Variants in CELF4 observed in about 807,000 individuals in gnomAD.
The protein encoded by CELF4 is CUGBP Elav-like family member 4.
In CELF4, 18 loss-of-function variants were observed where a neutral mutation model predicts 59.9. The ratio of observed to expected loss-of-function variants is 0.30; its 90% confidence interval spans 0.21 to 0.45. CELF4 has a LOEUF of 0.45. Ranked by LOEUF, CELF4 falls within the 20% of genes least tolerant of loss-of-function variation. The pLI is 1.00. For missense variants in CELF4, 456 were observed against 689.0 expected (o/e 0.66, Z 3.79); for synonymous variants, 261 against 267.1 (o/e 0.98, Z 0.22).
chr18:37,320,609 G>C (rs181571029), intron 3 of CELF4, among the ~76,000 whole-genome samples: 1 of 152,336 alleles, frequency 6.6e-6, no homozygotes, highest in Non-Finnish European at 1.5e-5. Flanking sequence ...GGAGAGGACA[G>C]AGTCTCTACT....
intron 1 of CELF4, among the ~76,000 whole-genome samples, chr18:37,499,517 G>A (rs1440849614): frequency 6.6e-6 from 1 of 152,184 alleles, no homozygotes; most frequent in African/African-American, 2.4e-5. Context: ...CCAAGAGGGT[G>A]GCAGGTCCCT....
chr18:37,565,704 C>CGCTA lies in CELF4; in HGVS notation c.-64_-63insTAGC, dbSNP rs2154606471. ...CACTCTCTCGCTCCTCTCTCTCGCTCGCTCGCGCTCACACACGCACACGCA... is the reference window on the plus strand; with the variant it reads ...CACTCTCTCGCTCCTCTCTCTCGCTCGCTAGCTCGCGCTCACACACGCACACGCA... On this transcript the variant is annotated 5_prime_UTR_variant, in exon 1 of 13. Transcript: ENST00000420428. 1 of 1,464,966 alleles carries CGCTA rather than the reference C, an allele frequency of 6.8e-7. No individual in the cohort carries two copies. Among genetic ancestry groups the CGCTA allele is most frequent in the South Asian group, 1.4e-5 (1 of 73,582 alleles). The allele number at this position is 1,464,966 out of a possible 1,614,324, so 90.7% of individuals were successfully genotyped here. A position where few individuals can be genotyped will look rare whatever the true frequency, so the allele number is the denominator to read the frequency against.
intron 2 of CELF4, among the ~76,000 whole-genome samples, chr18:37,466,439 G>A (rs550465014): frequency 1.1e-4 from 17 of 152,034 alleles, no homozygotes; most frequent in Non-Finnish European, 2.2e-4. Context: ...GGATGTGGGC[G>A]CATGAAACCT....
chr18:37,429,626 G>A (rs1422363651), intron 2 of CELF4, among the ~76,000 whole-genome samples: 3 of 152,054 alleles, frequency 2.0e-5, no homozygotes, highest in African/African-American at 7.3e-5. Flanking sequence ...TTCTTCCCTG[G>A]GCCTCAGCTC....
chr18:37,536,866 T>A (rs563631080), intron 1 of CELF4, among the ~76,000 whole-genome samples: 96 of 152,318 alleles, frequency 6.3e-4, no homozygotes, highest in Non-Finnish European at 1.2e-3. Context: ...CCCAGTGATG[T>A]GAGCTGTGCT....
intron 2 of CELF4, among the ~76,000 whole-genome samples, chr18:37,342,804 C>CA (rs1300956216): frequency 6.6e-6 from 1 of 152,126 alleles, no homozygotes; most frequent in Non-Finnish European, 1.5e-5. Flanking sequence ...AAAACTAATG[C>CA]AAAAAAAGTT....
chr18:37,353,316 T>C (rs1425359319), intron 2 of CELF4, among the ~76,000 whole-genome samples: 1 of 151,446 alleles, frequency 6.6e-6, no homozygotes, highest in Non-Finnish European at 1.5e-5. Context: ...TATGGTTTTA[T>C]AGTTAAACTT....
At chr18:37,521,986 A>T (rs1288613305) in intron 1 of CELF4, among the ~76,000 whole-genome samples, 1 of 152,220 alleles carries the variant, frequency 6.6e-6, no homozygotes, top group Admixed American at 6.5e-5. Context: ...ACCGTCACTC[A>T]GCACCCGGTG....
intron 2 of CELF4, among the ~76,000 whole-genome samples, chr18:37,385,908 G>A (rs771073330): frequency 6.6e-6 from 1 of 152,180 alleles, no homozygotes; most frequent in South Asian, 2.1e-4. Flanking sequence ...AAATGACAAG[G>A]CTGTTATTTT....
intron 3 of CELF4, among the ~76,000 whole-genome samples, chr18:37,280,449 T>C (rs2154379907): frequency 6.6e-6 from 1 of 152,130 alleles, no homozygotes; most frequent in Admixed American, 6.5e-5. Context: ...CCCTGGAGAG[T>C]CCAGAGTCTT....
At chr18:37,407,211 G>A (rs1479453056) in intron 2 of CELF4, among the ~76,000 whole-genome samples, 1 of 152,142 alleles carries the variant, frequency 6.6e-6, no homozygotes, top group African/African-American at 2.4e-5. Flanking sequence ...TGTACATAAA[G>A]TTGGGCACAC....
At chr18:37,522,313 CCT>C (rs2099958424) in intron 1 of CELF4, among the ~76,000 whole-genome samples, 1 of 152,166 alleles carries the variant, frequency 6.6e-6, no homozygotes, top group South Asian at 2.1e-4. Flanking sequence ...TTCTTCTCTG[CCT>C]CTGACCAGTG....
Position 37,422,031 on chromosome 18 carries a change from T to C in CELF4, c.369+63494A>G, listed in dbSNP as rs16968922. Among the ~76,000 whole-genome samples the C allele has an allele frequency of 7.8e-3, 1,192 of 152,356 alleles. 15 individuals carry two copies. The highest frequency in any genetic ancestry group is 0.027 in the African/African-American group (1,132 of 41,578). On this transcript the variant is annotated intron_variant, in intron 2 of 12. Coordinates refer to ENST00000420428, the MANE Select transcript of CELF4 (RefSeq NM_020180.4). ...CAAAAGCTGGTCCTTCCTGTCTAAC[T>C]GAAATCCCTCTTGCTGGAAGACACG...
chr18:37,410,430 C>A (rs1033869729), intron 2 of CELF4, among the ~76,000 whole-genome samples: 1 of 152,234 alleles, frequency 6.6e-6, no homozygotes, highest in Non-Finnish European at 1.5e-5. Flanking sequence ...AGTGTGGGCA[C>A]GCTGTCCCCC....
intron 2 of CELF4, among the ~76,000 whole-genome samples, chr18:37,391,286 T>G (rs536487028): frequency 1.3e-5 from 2 of 152,176 alleles, no homozygotes; most frequent in Non-Finnish European, 2.9e-5. Flanking sequence ...CTAGGACACA[T>G]GGACACATGC....
At chr18:37,493,777 C>G (rs1178759855) in intron 1 of CELF4, among the ~76,000 whole-genome samples, 1 of 152,176 alleles carries the variant, frequency 6.6e-6, no homozygotes, top group Non-Finnish European at 1.5e-5. Context: ...GGAATCTCCC[C>G]CTTGGCCATG....
intron 3 of CELF4, among the ~76,000 whole-genome samples, chr18:37,286,860 A>C (rs1281377333): frequency 6.6e-6 from 1 of 152,166 alleles, no homozygotes; most frequent in Non-Finnish European, 1.5e-5. Context: ...ATTACCACCC[A>C]GTTGCAGGAA....
At chr18:37,480,037 G>A (rs1405579687) in intron 2 of CELF4, among the ~76,000 whole-genome samples, 2 of 152,206 alleles carry the variant, frequency 1.3e-5, no homozygotes, top group African/African-American at 4.8e-5. Flanking sequence ...CCCTCAGAAA[G>A]AACCAACTCT....
intron 2 of CELF4, among the ~76,000 whole-genome samples, chr18:37,446,287 T>C (rs2099748019): frequency 6.6e-6 from 1 of 152,074 alleles, no homozygotes; most frequent in African/African-American, 2.4e-5. Context: ...TCAAGGACCT[T>C]GTATTGTAGG....
Sources: allele counts gnomAD v4.1 joint callset (sites outside exome capture counted in the v4.1 genomes callset), GRCh38; gene constraint gnomAD v4.1.1; transcripts MANE v1.5; gene names NCBI Gene and HGNC (gene_info 2026-07-23, HGNC 2026-07-21).